ZNF407: variants seen among roughly 807,000 people sequenced by gnomAD.
ZNF407 encodes zinc finger protein 407.
Under a neutral mutation model 131.2 loss-of-function variants are expected in ZNF407, and 17 were observed. The observed-to-expected ratio is 0.13, with a 90% CI of 0.09 to 0.19. The LOEUF (loss-of-function observed/expected upper bound fraction) is 0.19. Among genes scored for constraint, ZNF407 ranks in the 10% least tolerant of loss-of-function variants. ZNF407 has a pLI of 1.00. For synonymous variants in ZNF407, 1,156 were observed against 1,062.0 expected (o/e 1.09, Z -1.72); for missense variants, 2,681 against 2,830.6 (o/e 0.95, Z 1.20).
intron 4 of ZNF407, among the ~76,000 whole-genome samples, chr18:74,837,931 G>A (rs565808115): frequency 2.4e-4 from 36 of 152,302 alleles, no homozygotes; most frequent in African/African-American, 8.7e-4. Flanking sequence ...TGGGATTACA[G>A]GCGTGACCCA....
intron 4 of ZNF407, among the ~76,000 whole-genome samples, chr18:74,855,306 C>T (rs1181251432): frequency 6.6e-6 from 1 of 152,136 alleles, no homozygotes; most frequent in African/African-American, 2.4e-5. Context: ...CATGCTAAAG[C>T]TTTGTTGATG....
chr18:74,795,690 C>A (rs1335022655), intron 4 of ZNF407, among the ~76,000 whole-genome samples: 2 of 152,192 alleles, frequency 1.3e-5, no homozygotes, highest in African/African-American at 4.8e-5. Context: ...AAATGTTTTG[C>A]CATGTACTGA....
At chr18:74,763,993 G>A (rs575461732) in intron 3 of ZNF407, among the ~76,000 whole-genome samples, 9 of 151,872 alleles carry the variant, frequency 5.9e-5, no homozygotes, top group African/African-American at 1.2e-4. Flanking sequence ...GATTACAGGC[G>A]TGAGCCACCG....
intron 1 of ZNF407, among the ~76,000 whole-genome samples, chr18:74,618,992 G>A (rs1983419763): frequency 6.6e-6 from 1 of 152,076 alleles, no homozygotes; most frequent in Non-Finnish European, 1.5e-5. Flanking sequence ...AGTAGTTTTT[G>A]TCTTTTATCC....
intron 3 of ZNF407, among the ~76,000 whole-genome samples, chr18:74,755,885 CTTTTTT>C (rs34750560): frequency 5.7e-3 from 148 of 25,824 alleles, no homozygotes; most frequent in South Asian, 0.022. Flanking sequence ...CTTTTCCTTC[CTTTTTT>C]TTTTTTTTTT....
At chr18:74,622,722 ATAG>A (rs977186851) in intron 1 of ZNF407, among the ~76,000 whole-genome samples, 1 of 91,610 alleles carries the variant, frequency 1.1e-5, no homozygotes, top group African/African-American at 3.8e-5. Context: ...TGGCATCACC[ATAG>A]TGGTGTGTGT....
intron 3 of ZNF407, among the ~76,000 whole-genome samples, chr18:74,763,274 CTATT>C (rs1326362395): frequency 1.1e-5 from 1 of 88,776 alleles, no homozygotes; most frequent in African/African-American, 4.3e-5. Context: ...AATCTTTTGT[CTATT>C]TAAAAAATTG....
At chr18:74,940,621 A>G (rs1057355162) in intron 8 of ZNF407, among the ~76,000 whole-genome samples, 7 of 152,136 alleles carry the variant, frequency 4.6e-5, no homozygotes, top group Admixed American at 4.6e-4. Flanking sequence ...GATTTGTGTC[A>G]CTCTCTAGCT....
chr18:74,900,596 C>T (rs540408699), intron 7 of ZNF407, among the ~76,000 whole-genome samples: 7 of 152,232 alleles, frequency 4.6e-5, no homozygotes, highest in East Asian at 1.9e-4. Flanking sequence ...TTTTAAACTG[C>T]GACATCTTTT....
chr18:74,748,549 TTG>T (rs1363167843), intron 3 of ZNF407, among the ~76,000 whole-genome samples: 1 of 152,182 alleles, frequency 6.6e-6, no homozygotes, highest in Non-Finnish European at 1.5e-5. Context: ...AAATAAGATT[TTG>T]TTTCTGCTTC....
chr18:74,630,441 C>G (rs1254266304), intron 1 of ZNF407, among the ~76,000 whole-genome samples: 1 of 152,094 alleles, frequency 6.6e-6, no homozygotes, highest in Non-Finnish European at 1.5e-5. Context: ...AAAATCCTGG[C>G]ACTACAGGTG....
chr18:74,736,351 T>C, intron 3 of ZNF407, among the ~76,000 whole-genome samples: 1 of 152,166 alleles, frequency 6.6e-6, no homozygotes. Flanking sequence ...CATTAGATCT[T>C]CTAGCATTAT....
intron 3 of ZNF407, among the ~76,000 whole-genome samples, chr18:74,662,178 G>A (rs113400398): frequency 2.4e-4 from 37 of 151,860 alleles, no homozygotes; most frequent in African/African-American, 8.9e-4. Context: ...TCTGTTTGCT[G>A]CATGCTTCTC....
At chr18:74,840,730 G>A (rs1486992635) in intron 4 of ZNF407, among the ~76,000 whole-genome samples, 1 of 151,986 alleles carries the variant, frequency 6.6e-6, no homozygotes, top group East Asian at 1.9e-4. Flanking sequence ...GTTTACATAG[G>A]CCATAGCCTT....
chr18:75,000,564 TG>T (rs1237805799), intron 8 of ZNF407, among the ~76,000 whole-genome samples: 1 of 152,180 alleles, frequency 6.6e-6, no homozygotes, highest in Non-Finnish European at 1.5e-5. Context: ...CAATAGAAAA[TG>T]TTTTCCTTGA....
At chr18:74,814,197 G>A (rs1377314228) in intron 4 of ZNF407, among the ~76,000 whole-genome samples, 2 of 152,132 alleles carry the variant, frequency 1.3e-5, no homozygotes, top group Non-Finnish European at 2.9e-5. Flanking sequence ...GTATAGTGGT[G>A]CAGTGATAGC....
intron 7 of ZNF407, among the ~76,000 whole-genome samples, chr18:74,892,297 G>A (rs2145198557): frequency 6.6e-6 from 1 of 152,282 alleles, no homozygotes; most frequent in Non-Finnish European, 1.5e-5. Flanking sequence ...CCTGGGCTCA[G>A]CACTCCTTAG....
chr18:74,970,308 C>T (rs760083385), intron 8 of ZNF407, among the ~76,000 whole-genome samples: 1 of 152,152 alleles, frequency 6.6e-6, no homozygotes, highest in Non-Finnish European at 1.5e-5. Flanking sequence ...CAAAACCAAT[C>T]ATGCCTTCCC....
At chr18:74,933,387 T>G (rs1002236647) in intron 8 of ZNF407, among the ~76,000 whole-genome samples, 14 of 152,062 alleles carry the variant, frequency 9.2e-5, no homozygotes, top group African/African-American at 2.7e-4. Context: ...AGGTAGAATG[T>G]TGGGTGCCGG....
Sources: gnomAD v4.1 joint callset for allele counts (sites outside exome capture counted in the v4.1 genomes callset) on GRCh38, gnomAD v4.1.1 for gene constraint, MANE v1.5 for transcripts, NCBI Gene and HGNC (gene_info 2026-07-23, HGNC 2026-07-21) for gene names.